GOLIM4: variants seen among roughly 807,000 people sequenced by gnomAD.
GOLIM4 encodes 130 kDa golgi-localized phosphoprotein.
In GOLIM4, 71 loss-of-function variants were observed where a neutral mutation model predicts 107.4. The ratio of observed to expected loss-of-function variants is 0.66; its 90% CI spans 0.55 to 0.81. GOLIM4 has a LOEUF of 0.81. Among genes scored for constraint, GOLIM4 ranks in the 30% least tolerant of loss-of-function variants. GOLIM4 has a pLI of 0.00. For synonymous variants in GOLIM4, 327 were observed against 294.8 expected (o/e 1.11, Z -1.12); for missense variants, 830 against 826.1 (o/e 1.00, Z -0.06).
chr3:168,041,375 G>A lies in GOLIM4; in HGVS notation c.600+17C>T, dbSNP rs749189843. On this transcript the variant is annotated intron_variant, in intron 6 of 15. Transcript: ENST00000470487. Reference sequence around the variant, plus strand: ...GCAGGCAAACACTAAATAGTGAAACGTTTGGTTTTCTTTTACCTTGACATC... The same window carrying A: ...GCAGGCAAACACTAAATAGTGAAACATTTGGTTTTCTTTTACCTTGACATC... The A allele has an allele frequency of 1.0e-5, 15 of 1,466,794 alleles. No homozygotes were observed. The highest frequency in any genetic ancestry group is 2.3e-5 in the South Asian group (2 of 86,998). 90.9% of individuals were successfully genotyped at this position (1,466,794 alleles called of 1,614,324 possible). A position where few individuals can be genotyped will look rare whatever the true frequency, so the allele number is the denominator to read the frequency against.
At chr3:168,025,622 G>A (rs1560073147) in intron 12 of GOLIM4, among the ~76,000 whole-genome samples, 1 of 152,136 alleles carries the variant, frequency 6.6e-6, no homozygotes, top group Non-Finnish European at 1.5e-5. Flanking sequence ...CAAGAAAAAG[G>A]CTAATTCAAA....
rs1312528529 is a variant in GOLIM4, at chr3:168,016,567, A to G, written c.1861-5744T>C. 2.5e-4 allele frequency among the ~76,000 whole-genome samples: 34 copies of G among 133,624 alleles called. 1 individual carries two copies. The highest frequency in any genetic ancestry group is 3.7e-4 in the Non-Finnish European group (25 of 67,696). The allele number at this position is 133,624 out of a possible 152,430, so 87.7% of individuals were successfully genotyped here. ...GTATATACCCAAAGGATTATAAATC[A>G]TGCTGCTATAAAGACACATGCACAT... is the stretch of plus-strand genomic sequence containing the variant. On this transcript the variant is annotated intron_variant, in intron 14 of 15. Transcript: ENST00000470487.
chr3:168,031,544 A>G (rs1312737744), intron 9 of GOLIM4, among the ~76,000 whole-genome samples: 1 of 152,226 alleles, frequency 6.6e-6, no homozygotes, highest in Non-Finnish European at 1.5e-5. Flanking sequence ...CCAACTAACA[A>G]AAGCACACAC....
intron 1 of GOLIM4, among the ~76,000 whole-genome samples, chr3:168,049,994 A>G (rs1366114694): frequency 6.6e-6 from 1 of 152,048 alleles, no homozygotes; most frequent in East Asian, 1.9e-4. Context: ...TCAAATTTGT[A>G]TGGTGTGGTC....
chr3:168,082,291 G>A (rs555002402), intron 1 of GOLIM4, among the ~76,000 whole-genome samples: 4 of 152,280 alleles, frequency 2.6e-5, no homozygotes, highest in East Asian at 1.9e-4. Flanking sequence ...TAGGCAATGA[G>A]CTGGTGCTGG....
intron 14 of GOLIM4, among the ~76,000 whole-genome samples, chr3:168,013,549 A>G (rs978532512): frequency 7.1e-5 from 10 of 140,112 alleles, no homozygotes; most frequent in Admixed American, 4.8e-4. Flanking sequence ...CCTAATAGAC[A>G]TCTACAGAAC....
At chr3:168,038,020 T>C (rs2108239182) in intron 7 of GOLIM4, among the ~76,000 whole-genome samples, 1 of 152,336 alleles carries the variant, frequency 6.6e-6, no homozygotes, top group Admixed American at 6.5e-5. Context: ...CCTGCTGCCA[T>C]AGCTATGCAC....
chr3:168,067,392 TAGAG>T (rs1358158401), intron 1 of GOLIM4, among the ~76,000 whole-genome samples: 1 of 151,402 alleles, frequency 6.6e-6, no homozygotes, highest in Non-Finnish European at 1.5e-5. Flanking sequence ...AAACAAAAAA[TAGAG>T]AGGTTATTAG....
chr3:168,061,108 AT>A (rs149402897), intron 1 of GOLIM4, among the ~76,000 whole-genome samples: 41,397 of 148,522 alleles, frequency 0.28, 7,442 homozygotes, highest in African/African-American at 0.51. Context: ...TAAAGAGTTG[AT>A]TTTTTTTTTG....
At chr3:168,063,489 A>G (rs1720373116) in intron 1 of GOLIM4, among the ~76,000 whole-genome samples, 1 of 152,166 alleles carries the variant, frequency 6.6e-6, no homozygotes, top group African/African-American at 2.4e-5. Context: ...GCTACAGAAA[A>G]TGAATATTTT....
chr3:168,078,840 C>G (rs1002752885), intron 1 of GOLIM4, among the ~76,000 whole-genome samples: 2 of 152,188 alleles, frequency 1.3e-5, no homozygotes, highest in East Asian at 1.9e-4. Flanking sequence ...TAACAAAGAA[C>G]AGACAAGCCA....
chr3:168,044,002 G>C (rs1204512743), intron 4 of GOLIM4, among the ~76,000 whole-genome samples: 1 of 152,184 alleles, frequency 6.6e-6, no homozygotes, highest in Non-Finnish European at 1.5e-5. Context: ...TTTGGGAATA[G>C]TAATCAACTG....
At chr3:168,017,095 T>C (rs1422840583) in intron 14 of GOLIM4, among the ~76,000 whole-genome samples, 1 of 152,212 alleles carries the variant, frequency 6.6e-6, no homozygotes, top group Non-Finnish European at 1.5e-5. Context: ...TCAATGTGAT[T>C]GATCCTGAAT....
Position 168,085,609 on chromosome 3 carries a change from G to A in GOLIM4, c.187+9490C>T, listed in dbSNP as rs369002215. Among the ~76,000 whole-genome samples the A allele has an allele frequency of 7.5e-4, 114 of 152,222 alleles. 1 individual carries two copies. The highest frequency in any genetic ancestry group is 3.1e-3 in the South Asian group (15 of 4,822). ...GGCCACGGGTCCTTAAAATTCTACC[G>A]GTAGGAAGCAGGCTGAGAAAACCAC... On this transcript the variant is annotated intron_variant, in intron 1 of 15. Transcript: ENST00000470487.
intron 1 of GOLIM4, among the ~76,000 whole-genome samples, chr3:168,089,626 T>C (rs1321365788): frequency 6.6e-6 from 1 of 152,148 alleles, no homozygotes. Context: ...AGCCTGTATC[T>C]ATTATACCTC....
chr3:168,058,621 A>C (rs965795492), intron 1 of GOLIM4, among the ~76,000 whole-genome samples: 3 of 152,182 alleles, frequency 2.0e-5, no homozygotes, highest in Non-Finnish European at 2.9e-5. Flanking sequence ...AGACAGGTAA[A>C]ACATAAGACA....
At chr3:168,018,983 CAA>C (rs201919414) in intron 14 of GOLIM4, among the ~76,000 whole-genome samples, 8 of 120,754 alleles carry the variant, frequency 6.6e-5, no homozygotes, top group Non-Finnish European at 5.6e-5. Context: ...CTATGTAGCA[CAA>C]AAAAAAAAAA....
chr3:168,080,121 G>A (rs921122347), intron 1 of GOLIM4, among the ~76,000 whole-genome samples: 1 of 152,154 alleles, frequency 6.6e-6, no homozygotes. Context: ...TAGAAGAACA[G>A]TTGGGTAACA....
chr3:168,055,760 C>A (rs1338076358), intron 1 of GOLIM4, among the ~76,000 whole-genome samples: 2 of 147,492 alleles, frequency 1.4e-5, no homozygotes, highest in Admixed American at 1.4e-4. Flanking sequence ...AGAGATCATG[C>A]CACTGCACTC....
Sources: allele counts gnomAD v4.1 joint callset (sites outside exome capture counted in the v4.1 genomes callset), GRCh38; gene constraint gnomAD v4.1.1; transcripts MANE v1.5; gene names NCBI Gene and HGNC (gene_info 2026-07-23, HGNC 2026-07-21).